Variants in SNTB1 observed in about 807,000 individuals in gnomAD.
SNTB1 encodes beta-1-syntrophin.
SNTB1 carries 36 observed loss-of-function variants against 48.9 expected under a neutral mutation model. The observed-to-expected ratio is 0.74, with a 90% confidence interval of 0.56 to 0.97. The LOEUF (loss-of-function observed/expected upper bound fraction) is 0.97. Ranked by LOEUF, SNTB1 falls within the 50% of genes least tolerant of loss-of-function variation. The probability of loss-of-function intolerance (pLI) is 0.00; values close to 1 mark genes in which losing one functional copy is unlikely to be tolerated. For synonymous variants in SNTB1, 299 were observed against 294.6 expected (o/e 1.01, Z -0.15); for missense variants, 786 against 703.4 (o/e 1.12, Z -1.33).
intron 4 of SNTB1, among the ~76,000 whole-genome samples, chr8:120,572,692 C>A (rs796600711): frequency 2.0e-5 from 3 of 152,214 alleles, no homozygotes; most frequent in African/African-American, 7.2e-5. Flanking sequence ...AGTTCAAGAC[C>A]AGCTTGGCCA....
At chr8:120,598,838 C>G (rs1037095406) in intron 3 of SNTB1, among the ~76,000 whole-genome samples, 2 of 152,132 alleles carry the variant, frequency 1.3e-5, no homozygotes, top group African/African-American at 4.8e-5. Flanking sequence ...ATCTTCAAAG[C>G]CAGAGCCATA....
chr8:120,607,158 CAAGTAT>C (rs1270933830), intron 3 of SNTB1, among the ~76,000 whole-genome samples: 1 of 151,874 alleles, frequency 6.6e-6, no homozygotes, highest in Non-Finnish European at 1.5e-5. Flanking sequence ...ATAAAGATTC[CAAGTAT>C]AATAGTCAAA....
chr8:120,613,754 A>C (rs1488404757), intron 3 of SNTB1, among the ~76,000 whole-genome samples: 1 of 152,244 alleles, frequency 6.6e-6, no homozygotes, highest in East Asian at 1.9e-4. Context: ...GTTGGGTATC[A>C]GAGTGGTGAG....
chr8:120,555,552 C>G (rs919891525), intron 4 of SNTB1, among the ~76,000 whole-genome samples: 5 of 152,140 alleles, frequency 3.3e-5, no homozygotes, highest in Admixed American at 6.5e-5. Context: ...GTCCGTAGTT[C>G]CTGCCGGCAT....
chr8:120,720,701 A>C (rs1325374405), intron 1 of SNTB1, among the ~76,000 whole-genome samples: 2 of 152,246 alleles, frequency 1.3e-5, no homozygotes, highest in Non-Finnish European at 2.9e-5. Context: ...TTTTCTATGC[A>C]GAGGTGACTT....
At chr8:120,771,551 T>C (rs959909422) in intron 1 of SNTB1, among the ~76,000 whole-genome samples, 2 of 152,244 alleles carry the variant, frequency 1.3e-5, no homozygotes, top group African/African-American at 4.8e-5. Context: ...TTTCTTCTAG[T>C]AGTCACTCCA....
intron 3 of SNTB1, among the ~76,000 whole-genome samples, chr8:120,582,829 T>A (rs1220238533): frequency 6.6e-6 from 1 of 152,074 alleles, no homozygotes; most frequent in African/African-American, 2.4e-5. Flanking sequence ...AAAACCTAGA[T>A]AATGGGTTGA....
At chr8:120,623,792 C>T (rs1003811807) in intron 3 of SNTB1, among the ~76,000 whole-genome samples, 1 of 152,202 alleles carries the variant, frequency 6.6e-6, no homozygotes, top group East Asian at 1.9e-4. Flanking sequence ...TCAGGCAGCT[C>T]TTCTGGAACA....
chr8:120,677,389 T>A (rs1172891168), intron 2 of SNTB1, among the ~76,000 whole-genome samples: 1 of 152,238 alleles, frequency 6.6e-6, no homozygotes, highest in Non-Finnish European at 1.5e-5. Flanking sequence ...CTAAGGATGC[T>A]ATTTGCAAAC....
At chr8:120,782,742 G>A (rs540119514) in intron 1 of SNTB1, among the ~76,000 whole-genome samples, 89 of 152,248 alleles carry the variant, frequency 5.8e-4, no homozygotes, top group Non-Finnish European at 1.0e-3. Context: ...GATACGTCAC[G>A]TTTTAAGAGG....
intron 1 of SNTB1, among the ~76,000 whole-genome samples, chr8:120,709,363 G>T (rs1818426198): frequency 6.6e-6 from 1 of 152,146 alleles, no homozygotes; most frequent in African/African-American, 2.4e-5. Context: ...AACTATTTCA[G>T]TTTTGGAGAT....
intron 3 of SNTB1, among the ~76,000 whole-genome samples, chr8:120,604,730 TG>T (rs1816484216): frequency 6.6e-6 from 1 of 152,186 alleles, no homozygotes; most frequent in Non-Finnish European, 1.5e-5. Context: ...GGATTGCAGG[TG>T]TGAATCGCCA....
At chr8:120,726,938 A>G (rs975100710) in intron 1 of SNTB1, among the ~76,000 whole-genome samples, 4 of 152,196 alleles carry the variant, frequency 2.6e-5, no homozygotes, top group African/African-American at 7.2e-5. Flanking sequence ...TTCAGCTTAA[A>G]TAATGTTTGC....
intron 3 of SNTB1, among the ~76,000 whole-genome samples, chr8:120,621,054 G>C (rs529178178): frequency 1.1e-4 from 16 of 151,978 alleles, no homozygotes; most frequent in African/African-American, 3.6e-4. Flanking sequence ...CCACCTCCCG[G>C]GTTCAAGTGA....
At chr8:120,735,462 C>G (rs2129988793) in intron 1 of SNTB1, among the ~76,000 whole-genome samples, 1 of 152,282 alleles carries the variant, frequency 6.6e-6, no homozygotes, top group South Asian at 2.1e-4. Context: ...TGGAGATAGA[C>G]AGCCTCTTTA....
chr8:120,779,575 A>G (rs1222054961), intron 1 of SNTB1, among the ~76,000 whole-genome samples: 1 of 152,224 alleles, frequency 6.6e-6, no homozygotes, highest in Admixed American at 6.5e-5. Flanking sequence ...CTGAGAGCCC[A>G]ACTGTAGAAG....
At chr8:120,623,286 T>G (rs1049467853) in intron 3 of SNTB1, among the ~76,000 whole-genome samples, 3 of 152,194 alleles carry the variant, frequency 2.0e-5, no homozygotes, top group African/African-American at 7.2e-5. Context: ...CCTTGACATA[T>G]TTGAGCCTCA....
chr8:120,783,700 C>A (rs953686371), intron 1 of SNTB1, among the ~76,000 whole-genome samples: 6 of 152,174 alleles, frequency 3.9e-5, no homozygotes, highest in Non-Finnish European at 7.3e-5. Flanking sequence ...GAAGAACAAT[C>A]AGTAAACTCT....
intron 2 of SNTB1, among the ~76,000 whole-genome samples, chr8:120,686,786 A>G (rs925470969): frequency 6.6e-6 from 1 of 152,210 alleles, no homozygotes; most frequent in Non-Finnish European, 1.5e-5. Flanking sequence ...CTGTTTTTAC[A>G]TATGTAAAAC....
Sources: allele counts gnomAD v4.1 joint callset (sites outside exome capture counted in the v4.1 genomes callset), GRCh38; gene constraint gnomAD v4.1.1; transcripts MANE v1.5; gene names NCBI Gene and HGNC (gene_info 2026-07-23, HGNC 2026-07-21).